Variants in ADGRL3 observed in about 807,000 individuals in gnomAD.
The protein encoded by ADGRL3 is adhesion G protein-coupled receptor L3, also known as calcium-independent alpha-latrotoxin receptor 3.
ADGRL3 carries 62 observed loss-of-function variants against 153.5 expected under a neutral mutation model. The observed-to-expected ratio is 0.40, with a 90% CI of 0.33 to 0.50. The LOEUF is 0.50. ADGRL3 is among the 20% of genes least tolerant of loss of function. The pLI is 0.47. For missense variants in ADGRL3, 1,641 were observed against 1,859.4 expected (o/e 0.88, Z 2.16); for synonymous variants, 710 against 672.5 (o/e 1.06, Z -0.86).
chr4:61,276,022 C>T (rs946564810), intron 1 of ADGRL3, among the ~76,000 whole-genome samples: 2 of 152,084 alleles, frequency 1.3e-5, no homozygotes, highest in South Asian at 2.1e-4. Context: ...TATAAGGGTG[C>T]AGGCCCAAAA....
chr4:61,872,948 T>A (rs1374342346), intron 9 of ADGRL3, among the ~76,000 whole-genome samples: 1 of 152,208 alleles, frequency 6.6e-6, no homozygotes, highest in Non-Finnish European at 1.5e-5. Flanking sequence ...ATGCTTTCTT[T>A]CAGTTCTTTG....
At chr4:61,662,203 C>T (rs1394348666) in intron 5 of ADGRL3, among the ~76,000 whole-genome samples, 1 of 152,208 alleles carries the variant, frequency 6.6e-6, no homozygotes, top group Non-Finnish European at 1.5e-5. Flanking sequence ...AGCCATGGCT[C>T]TAGACCCAAG....
At chr4:61,601,932 A>G (rs1248538944) in intron 5 of ADGRL3, among the ~76,000 whole-genome samples, 1 of 152,148 alleles carries the variant, frequency 6.6e-6, no homozygotes, top group African/African-American at 2.4e-5. Context: ...ACAAATTTTC[A>G]AGTATTCTGC....
chr4:61,923,839 G>A (rs192300231), intron 13 of ADGRL3, among the ~76,000 whole-genome samples: 40 of 152,146 alleles, frequency 2.6e-4, no homozygotes, highest in Non-Finnish European at 4.6e-4. Flanking sequence ...AGCTGCTTGC[G>A]AAGGAACAGT....
At chr4:61,634,817 A>T (rs1579981270) in intron 5 of ADGRL3, among the ~76,000 whole-genome samples, 1 of 152,306 alleles carries the variant, frequency 6.6e-6, no homozygotes, top group Non-Finnish European at 1.5e-5. Context: ...AAAGTAACTG[A>T]GTGAATTAAA....
intron 10 of ADGRL3, among the ~76,000 whole-genome samples, chr4:61,894,908 T>A (rs2098617922): frequency 6.6e-6 from 1 of 152,168 alleles, no homozygotes; most frequent in African/African-American, 2.4e-5. Flanking sequence ...CACCCACAAA[T>A]GATAGACAAG....
At chr4:61,436,519 G>T (rs1335366459) in intron 2 of ADGRL3, among the ~76,000 whole-genome samples, 2 of 152,164 alleles carry the variant, frequency 1.3e-5, no homozygotes, top group Non-Finnish European at 1.5e-5. Context: ...TTACAGAAAT[G>T]TGATAGTTCC....
At chr4:61,808,504 GA>G (rs1355820156) in intron 8 of ADGRL3, among the ~76,000 whole-genome samples, 4 of 152,104 alleles carry the variant, frequency 2.6e-5, no homozygotes, top group Admixed American at 6.5e-5. Flanking sequence ...ATGAAGGGGG[GA>G]AAAAAGAAAC....
chr4:61,558,804 T>C (rs538788504), intron 4 of ADGRL3, among the ~76,000 whole-genome samples: 9 of 152,194 alleles, frequency 5.9e-5, no homozygotes, highest in African/African-American at 2.2e-4. Flanking sequence ...GACCATTTTA[T>C]TTTTAAAATG....
At chr4:61,287,321 CA>C (rs1485588075) in intron 1 of ADGRL3, among the ~76,000 whole-genome samples, 1 of 151,804 alleles carries the variant, frequency 6.6e-6, no homozygotes, top group Non-Finnish European at 1.5e-5. Context: ...AGTAAAAATA[CA>C]TTTGATGATG....
intron 6 of ADGRL3, among the ~76,000 whole-genome samples, chr4:61,691,738 A>G (rs1179642048): frequency 2.6e-5 from 4 of 152,172 alleles, no homozygotes; most frequent in Admixed American, 6.6e-5. Context: ...AAATTACTGT[A>G]TTCTTCTGAT....
chr4:62,016,339 G>A (rs1046482771), intron 21 of ADGRL3, among the ~76,000 whole-genome samples: 7 of 152,040 alleles, frequency 4.6e-5, no homozygotes, highest in South Asian at 2.1e-4. Context: ...AAGCCACCAC[G>A]CCCGTCCTTT....
At chr4:61,695,812 A>T (rs2095632533) in intron 6 of ADGRL3, among the ~76,000 whole-genome samples, 1 of 152,104 alleles carries the variant, frequency 6.6e-6, no homozygotes, top group African/African-American at 2.4e-5. Flanking sequence ...TTCATCAGTT[A>T]TCTTAGATCT....
At position 61,500,855 on chromosome 4, in the gene ADGRL3, A is replaced by G. The variant is rs187651574; in HGVS notation, c.55+3507A>G. 4.7e-4 allele frequency among the ~76,000 whole-genome samples: 71 copies of G among 152,310 alleles called. 1 individual carries two copies. Among genetic ancestry groups the G allele is most frequent in the African/African-American group, 1.6e-3 (68 of 41,554 alleles). On this transcript the variant is annotated intron_variant, in intron 3 of 26. Coordinates refer to ENST00000683033, the MANE Select transcript of ADGRL3 (RefSeq NM_001387552.1). Reference sequence around the variant, plus strand: ...AAGACATTGAGGTACACAGTGGTAAAGTAAATTGAGATCACACAGCTACTA... The same window carrying G: ...AAGACATTGAGGTACACAGTGGTAAGGTAAATTGAGATCACACAGCTACTA...
chr4:62,064,670 G>GTTT (rs879536487), intron 25 of ADGRL3, among the ~76,000 whole-genome samples: 2 of 144,050 alleles, frequency 1.4e-5, no homozygotes, highest in Non-Finnish European at 3.1e-5. Context: ...ATCTTTGGTT[G>GTTT]TTTTTTTTTT....
In ADGRL3 at chr4:61,365,031, A is replaced by G. The variant is rs182458447; in HGVS notation, c.-239-18093A>G. On this transcript the variant is annotated intron_variant, in intron 1 of 26. Transcript: ENST00000683033. Reference sequence around the variant, plus strand: ...TACTAGGATATTCTCTAAAAGACAGAAAAAAATGCTTATCTGGAGAAGGGA... The same window carrying G: ...TACTAGGATATTCTCTAAAAGACAGGAAAAAATGCTTATCTGGAGAAGGGA... 2.0e-5 allele frequency among the ~76,000 whole-genome samples: 3 copies of G among 152,218 alleles called. No homozygotes were observed. In the East Asian group the frequency reaches 5.8e-4, roughly 29 times the overall value.
At chr4:61,495,490 G>A (rs1437566578) in intron 2 of ADGRL3, among the ~76,000 whole-genome samples, 1 of 151,320 alleles carries the variant, frequency 6.6e-6, no homozygotes, top group South Asian at 2.1e-4. Flanking sequence ...AGGAAGGAAG[G>A]AAGGGGAAGG....
At chr4:61,380,229 T>C (rs1416956704) in intron 1 of ADGRL3, among the ~76,000 whole-genome samples, 1 of 151,934 alleles carries the variant, frequency 6.6e-6, no homozygotes, top group Non-Finnish European at 1.5e-5. Flanking sequence ...TATGTGTATG[T>C]ATCTATCTCT....
intron 4 of ADGRL3, among the ~76,000 whole-genome samples, chr4:61,546,862 C>A (rs2098716047): frequency 6.6e-6 from 1 of 152,198 alleles, no homozygotes; most frequent in Admixed American, 6.5e-5. Context: ...ATTCACATCA[C>A]TGATGAACAA....
Sources: gnomAD v4.1 joint callset for allele counts (sites outside exome capture counted in the v4.1 genomes callset) on GRCh38, gnomAD v4.1.1 for gene constraint, MANE v1.5 for transcripts, NCBI Gene and HGNC (gene_info 2026-07-23, HGNC 2026-07-21) for gene names.